The following SPAG16 variants were observed in gnomAD, a reference collection of about 807,000 sequenced individuals.
The protein encoded by SPAG16 is sperm-associated antigen 16 protein.
SPAG16 carries 86 observed loss-of-function variants against 80.4 expected under a neutral mutation model. The ratio of observed to expected loss-of-function variants is 1.07; its 90% CI spans 0.90 to 1.28. SPAG16 has a LOEUF of 1.28. Ranked by LOEUF, SPAG16 falls within the 50% of genes most tolerant of loss-of-function variation. The pLI is 0.00. For missense variants in SPAG16, 870 were observed against 765.3 expected (o/e 1.14, Z -1.61); for synonymous variants, 294 against 265.9 (o/e 1.11, Z -1.03).
chr2:214,069,620 A>G (rs916686855), intron 13 of SPAG16, among the ~76,000 whole-genome samples: 16 of 152,142 alleles, frequency 1.1e-4, no homozygotes, highest in African/African-American at 3.9e-4. Context: ...CATATGACCA[A>G]GGGAGATGGG....
intron 10 of SPAG16, among the ~76,000 whole-genome samples, chr2:213,666,778 A>C (rs2063620402): frequency 6.6e-6 from 1 of 152,204 alleles, no homozygotes; most frequent in South Asian, 2.1e-4. Context: ...GGACTACCTG[A>C]TGGCTCTGTA....
At chr2:213,559,210 C>G (rs549322124) in intron 10 of SPAG16, among the ~76,000 whole-genome samples, 10 of 152,138 alleles carry the variant, frequency 6.6e-5, no homozygotes, top group Admixed American at 2.0e-4. Context: ...CAACTGTCAT[C>G]CTGAACCGTC....
intron 15 of SPAG16, among the ~76,000 whole-genome samples, chr2:214,205,221 C>CA (rs893146708): frequency 4.2e-4 from 56 of 133,850 alleles, no homozygotes; most frequent in African/African-American, 1.0e-3. Context: ...GAGACTCTGC[C>CA]AAAAAAAAAG....
chr2:213,707,329 G>A (rs2065801944), intron 10 of SPAG16, among the ~76,000 whole-genome samples: 1 of 152,110 alleles, frequency 6.6e-6, no homozygotes, highest in Admixed American at 6.6e-5. Flanking sequence ...TTCTTCTAAT[G>A]CACTACACTG....
At chr2:214,303,787 G>A (rs1010909630) in intron 15 of SPAG16, among the ~76,000 whole-genome samples, 1 of 151,854 alleles carries the variant, frequency 6.6e-6, no homozygotes, top group Non-Finnish European at 1.5e-5. Flanking sequence ...CCAGTATTTA[G>A]GTTTTTTTTC....
At chr2:214,331,442 TGAA>T (rs1696906315) in intron 15 of SPAG16, among the ~76,000 whole-genome samples, 1 of 152,180 alleles carries the variant, frequency 6.6e-6, no homozygotes, top group Non-Finnish European at 1.5e-5. Context: ...TGTACCCAGT[TGAA>T]GTGTTTTCCC....
At chr2:213,851,299 C>T (rs2074891452) in intron 10 of SPAG16, among the ~76,000 whole-genome samples, 1 of 152,062 alleles carries the variant, frequency 6.6e-6, no homozygotes, top group African/African-American at 2.4e-5. Context: ...TATTTGAGGT[C>T]AGGAGTTCGA....
intron 15 of SPAG16, among the ~76,000 whole-genome samples, chr2:214,180,009 G>A (rs546132227): frequency 6.6e-6 from 1 of 151,600 alleles, no homozygotes; most frequent in East Asian, 1.9e-4. Flanking sequence ...AAACCTCTTA[G>A]ATAAATAGTA....
At chr2:214,048,629 G>A (rs1248318870) in intron 13 of SPAG16, among the ~76,000 whole-genome samples, 2 of 151,964 alleles carry the variant, frequency 1.3e-5, no homozygotes, top group African/African-American at 4.8e-5. Context: ...GAATGAATAA[G>A]ACCTAGTATT....
rs371687709 is a variant in SPAG16 at position 213,843,035 on chromosome 2, G to A, written c.1071-19450G>A. Among the ~76,000 whole-genome samples the A allele has an allele frequency of 2.6e-5, 4 of 151,862 alleles. No individual in the cohort carries two copies. In the South Asian group the frequency reaches 6.2e-4, roughly 24 times the overall value. ...TCCTCCCACTTTGGCTTCCCAAAAT[G>A]CTGATTACACTACTTCCCAAAAGGA... On this transcript the variant is annotated intron_variant, in intron 10 of 15. Transcript: ENST00000331683.
At chr2:214,096,998 T>G (rs763172452) in intron 13 of SPAG16, among the ~76,000 whole-genome samples, 1 of 152,082 alleles carries the variant, frequency 6.6e-6, no homozygotes, top group Non-Finnish European at 1.5e-5. Context: ...CACAAATATG[T>G]TTTTGAGAAT....
intron 15 of SPAG16, among the ~76,000 whole-genome samples, chr2:214,256,612 T>C (rs1287501836): frequency 6.6e-6 from 1 of 151,926 alleles, no homozygotes. Flanking sequence ...ACCTGATGAT[T>C]TCAGCACCAT....
chr2:214,338,226 AT>A (rs1410910551), intron 15 of SPAG16, among the ~76,000 whole-genome samples: 1 of 152,198 alleles, frequency 6.6e-6, no homozygotes, highest in Non-Finnish European at 1.5e-5. Context: ...TAAGAAAAAA[AT>A]ATCCTCAGCC....
intron 13 of SPAG16, among the ~76,000 whole-genome samples, chr2:214,086,093 G>T (rs1162660180): frequency 2.0e-5 from 3 of 151,998 alleles, no homozygotes; most frequent in Non-Finnish European, 1.5e-5. Context: ...TTTTATATGT[G>T]ACTTAAAAAT....
chr2:213,300,229 C>T (rs539774064), intron 3 of SPAG16, among the ~76,000 whole-genome samples: 1 of 152,272 alleles, frequency 6.6e-6, no homozygotes, highest in African/African-American at 2.4e-5. Flanking sequence ...TTTCCTCCTC[C>T]TGCTACCCCT....
intron 5 of SPAG16, 61 bp downstream of exon 5, chr2:213,317,417 G>T (rs2063444387): frequency 6.5e-7 from 1 of 1,535,920 alleles, no homozygotes; most frequent in East Asian, 2.3e-5. Context: ...AAAGAGTTGA[G>T]TGAAGCTGAT....
At chr2:213,518,128 T>C (rs1476906453) in intron 10 of SPAG16, among the ~76,000 whole-genome samples, 1 of 152,130 alleles carries the variant, frequency 6.6e-6, no homozygotes, top group Non-Finnish European at 1.5e-5. Flanking sequence ...CACTGATAAA[T>C]GGGCAAAGGA....
chr2:213,748,665 T>C (rs1469074745), intron 10 of SPAG16, among the ~76,000 whole-genome samples: 1 of 152,178 alleles, frequency 6.6e-6, no homozygotes, highest in Non-Finnish European at 1.5e-5. Flanking sequence ...TACATAATCT[T>C]GTGTAATTTC....
chr2:214,004,189 T>C (rs576553856), intron 12 of SPAG16, among the ~76,000 whole-genome samples: 2 of 152,262 alleles, frequency 1.3e-5, no homozygotes, highest in South Asian at 4.1e-4. Flanking sequence ...AGTGGTAAGA[T>C]CAGGTGGTAA....
Sources: allele counts gnomAD v4.1 joint callset (sites outside exome capture counted in the v4.1 genomes callset), GRCh38; gene constraint gnomAD v4.1.1; transcripts MANE v1.5; gene names NCBI Gene and HGNC (gene_info 2026-07-23, HGNC 2026-07-21).